The following SCYL3 variants were observed in gnomAD, a reference collection of about 807,000 sequenced individuals.
SCYL3 encodes the protein SCY1 like pseudokinase 3, also known as protein-associating with the carboxyl-terminal domain of ezrin.
SCYL3 carries 35 observed loss-of-function variants against 73.8 expected under a neutral mutation model. The observed-to-expected ratio is 0.47, with a 90% confidence interval of 0.36 to 0.63. The LOEUF is 0.63. Ranked by LOEUF, SCYL3 falls within the 20% of genes least tolerant of loss-of-function variation. The pLI is 0.00. For missense variants in SCYL3, 712 were observed against 798.9 expected, an observed-to-expected ratio of 0.89 and a Z score of 1.31; for synonymous variants, 277 against 295.2, an observed-to-expected ratio of 0.94 and a Z score of 0.63.
At position 169,852,627 on chromosome 1, in the gene SCYL3, C is replaced by A; in HGVS notation, c.*1086G>T. On this transcript the variant is annotated 3_prime_UTR_variant, in exon 13 of 13. Coordinates refer to ENST00000367771, the MANE Select transcript of SCYL3 (RefSeq NM_020423.7). ...GCTATGATAAACCAAAATGCCTTTA[C>A]ATATTTTTCTAGATGACTGTGTAGG... 1.5e-6 allele frequency: 1 copy of A among 671,664 alleles called. No homozygotes were observed. The highest frequency in any genetic ancestry group is 2.5e-6 in the Non-Finnish European group (1 of 400,504). 41.6% of individuals were successfully genotyped at this position (671,664 alleles called of 1,614,324 possible). A position where few individuals can be genotyped will look rare whatever the true frequency, so the allele number is the denominator to read the frequency against.
intron 4 of SCYL3, among the ~76,000 whole-genome samples, chr1:169,875,736 G>A (rs6427225): frequency 0.7 from 106,909 of 152,132 alleles, 37,763 homozygotes; most frequent in Middle Eastern, 0.85. Flanking sequence ...ATATCTGAAC[G>A]AAACATTTTA....
At chr1:169,862,001 A>T (rs953135221) in intron 10 of SCYL3, among the ~76,000 whole-genome samples, 1 of 152,228 alleles carries the variant, frequency 6.6e-6, no homozygotes, top group Non-Finnish European at 1.5e-5. Context: ...GGGAGCTACG[A>T]GAAGCTTGTA....
At chr1:169,884,635 T>G (rs1661545964) in intron 2 of SCYL3, among the ~76,000 whole-genome samples, 1 of 152,222 alleles carries the variant, frequency 6.6e-6, no homozygotes, top group Admixed American at 6.5e-5. Context: ...TGTATAAAAT[T>G]ATGTAGCCTC....
chr1:169,869,707 C>T (rs1660262696), intron 6 of SCYL3, among the ~76,000 whole-genome samples: 1 of 152,188 alleles, frequency 6.6e-6, no homozygotes, highest in South Asian at 2.1e-4. Context: ...GTGAAGCAGG[C>T]TGCCAAGCAT....
Position 169,854,380 on chromosome 1 carries a change from CAGA to C in SCYL3, c.1894_1896del (p.Ser632del). ...AGTTCAGGTAATATAAGAAAAGCAG[CAGA>C]AGGCTTAATTTCTGGGATCATATCA... On this transcript the variant is annotated inframe_deletion, in exon 12 of 13. Transcript: ENST00000367771. 6.2e-7 allele frequency: 1 copy of C among 1,614,010 alleles called. No homozygotes were observed. Among genetic ancestry groups the C allele is most frequent in the Non-Finnish European group, 8.5e-7 (1 of 1,179,934 alleles).
At chr1:169,892,809 C>T (rs1281480511) in intron 1 of SCYL3, among the ~76,000 whole-genome samples, 1 of 152,176 alleles carries the variant, frequency 6.6e-6, no homozygotes, top group Non-Finnish European at 1.5e-5. Flanking sequence ...CTAAGAAACC[C>T]GTGTGCTCTA....
chr1:169,864,488 C>G lies in SCYL3; in HGVS notation c.836G>C (p.Ser279Thr). 1 of 1,607,122 alleles carries G rather than the reference C, an allele frequency of 6.2e-7. No homozygotes were observed. Among genetic ancestry groups the G allele is most frequent in the Non-Finnish European group, 8.5e-7 (1 of 1,177,742 alleles). ...EFFKFLLDRV[S>T]CLSEELIASR... ...AGCTATCAATTCCTCTGACAAGCAG[C>G]TGACTCTGTCCAGCAGAAATCTGAG... Residue 279 changes from serine to threonine, a missense_variant, in exon 9 of 13, where the codon AGC becomes ACC. Physicochemically the swap from Ser to Thr is moderately conservative, Grantham distance 58. This residue lies in a region of SCYL3 where 342 missense variants were observed against 448.1 expected (regional missense o/e 0.76). Coordinates refer to ENST00000367771, the MANE Select transcript of SCYL3 (RefSeq NM_020423.7).
Position 169,850,964 on chromosome 1 carries a change from T to C in SCYL3, c.*2749A>G. ...AGGATGTTTACTACCATATTTTGGG[T>C]ATAATTTAGGCATGGCTTTTTTTTT... On this transcript the variant is annotated 3_prime_UTR_variant, in exon 13 of 13. Coordinates refer to ENST00000367771, the MANE Select transcript of SCYL3 (RefSeq NM_020423.7). 1 of 139,116 alleles carries C rather than the reference T, an allele frequency of 7.2e-6. No homozygotes were observed. The highest frequency in any genetic ancestry group is 1.5e-5 in the Non-Finnish European group (1 of 64,896). The allele number at this position is 139,116 out of a possible 1,614,324, so 8.6% of individuals were successfully genotyped here. A position where few individuals can be genotyped will look rare whatever the true frequency, so the allele number is the denominator to read the frequency against.
In SCYL3 at chr1:169,855,810, G is replaced by A. The variant is rs759695032; in HGVS notation, c.1313-846C>T. On this transcript the variant is annotated intron_variant, in intron 11 of 12. Transcript: ENST00000367771. ...AATATTTCTACCTGTCTGTAAAAGA[G>A]TATTGTAGTAATCTCGCTGTATGTG... 1.5e-5 allele frequency: 24 copies of A among 1,613,368 alleles called. No individual in the cohort carries two copies. The highest frequency in any genetic ancestry group is 1.9e-5 in the Non-Finnish European group (23 of 1,179,654).
chr1:169,877,581 T>G, intron 3 of SCYL3, among the ~76,000 whole-genome samples: 1 of 152,172 alleles, frequency 6.6e-6, no homozygotes, highest in East Asian at 1.9e-4. Flanking sequence ...ATATCTCCAT[T>G]TGAGAAAAAA....
rs760345142 is a variant in SCYL3 at position 169,854,478 on chromosome 1, C to G, written c.1799G>C (p.Gly600Ala). 3 of 1,614,074 alleles carry G rather than the reference C, an allele frequency of 1.9e-6. No homozygotes were observed. Among genetic ancestry groups the G allele is most frequent in the Non-Finnish European group, 2.5e-6 (3 of 1,179,982 alleles). Residue 600 changes from glycine (G) to alanine (A), a missense_variant, in exon 12 of 13, where the codon GGT (glycine) becomes GCT (alanine). Coordinates refer to ENST00000367771, the MANE Select transcript of SCYL3 (RefSeq NM_020423.7). Reference protein sequence around the residue: ...ERPLKVPSELGLGEEFTIQVK... With the variant: ...ERPLKVPSELALGEEFTIQVK... Reference sequence around the variant, plus strand: ...TTGAATGGTGAATTCCTCTCCTAAACCAAGTTCTGATGGAACCTTAAGGGG... The same window carrying G: ...TTGAATGGTGAATTCCTCTCCTAAAGCAAGTTCTGATGGAACCTTAAGGGG...
chr1:169,859,592 T>C (rs1194644135), intron 10 of SCYL3, among the ~76,000 whole-genome samples: 1 of 152,226 alleles, frequency 6.6e-6, no homozygotes, highest in African/African-American at 2.4e-5. Context: ...TCAGAACTCA[T>C]CTAGGGTACT....
intron 2 of SCYL3, among the ~76,000 whole-genome samples, chr1:169,881,844 T>G (rs1661286200): frequency 6.6e-6 from 1 of 152,230 alleles, no homozygotes; most frequent in African/African-American, 2.4e-5. Context: ...CATCAGGCAT[T>G]AGTTAGATTG....
chr1:169,853,534 T>TAA lies in SCYL3; in HGVS notation c.*178_*179insTT, dbSNP rs1658699836. The TAA allele has an allele frequency of 1.6e-6, 1 of 640,044 alleles. No homozygotes were observed. The highest frequency in any genetic ancestry group is 2.7e-6 in the Non-Finnish European group (1 of 373,534). The allele number at this position is 640,044 out of a possible 1,614,324, so 39.6% of individuals were successfully genotyped here. Reference sequence around the variant, plus strand: ...TACTGTGAGCCTCACCACCCAGGGCTTTTAGCCAGCACTCACAGTCAGTCT... The same window carrying TAA: ...TACTGTGAGCCTCACCACCCAGGGCTAATTTAGCCAGCACTCACAGTCAGTCT... On this transcript the variant is annotated 3_prime_UTR_variant, in exon 13 of 13. Coordinates refer to ENST00000367771, the MANE Select transcript of SCYL3 (RefSeq NM_020423.7).
intron 5 of SCYL3, 111 bp downstream of exon 5, chr1:169,873,585 T>C (rs1660583810): frequency 1.5e-6 from 1 of 651,420 alleles, no homozygotes; most frequent in Admixed American, 3.0e-5. Context: ...AGAGGAATTA[T>C]GAGGCATCTA....
intron 2 of SCYL3, among the ~76,000 whole-genome samples, 170 bp downstream of exon 2, chr1:169,888,506 T>G (rs1661831782): frequency 6.6e-6 from 1 of 152,226 alleles, no homozygotes. Flanking sequence ...GACCATGTCA[T>G]GCAAATGGAA....
Position 169,862,627 on chromosome 1 carries a change from C to G in SCYL3, c.1126G>C (p.Val376Leu). 1 of 1,614,188 alleles carries G rather than the reference C, an allele frequency of 6.2e-7. No homozygotes were observed. The highest frequency in any genetic ancestry group is 8.5e-7 in the Non-Finnish European group (1 of 1,180,034). ...EHFTQEQLKK[V>L]ILPQVLLGLR... ...TGGCCTCTGACCTGTGGCAAGATGA[C>G]TTTCTTCAGCTGCTCCTGAGTGAAG... is the stretch of plus-strand genomic sequence containing the variant. The change falls in exon 10 of 13, where the codon GTC becomes CTC. Residue 376 changes from valine to leucine, a missense_variant. Val to Leu is a conservative substitution (Grantham distance 32, BLOSUM62 1). Around this residue, in one of 2 missense-constraint regions of SCYL3, gnomAD observed 342 missense variants for 448.1 expected, o/e 0.76. Coordinates refer to ENST00000367771, the MANE Select transcript of SCYL3 (RefSeq NM_020423.7).
At chr1:169,875,400 G>A (rs1262228615) in intron 4 of SCYL3, among the ~76,000 whole-genome samples, 2 of 152,196 alleles carry the variant, frequency 1.3e-5, no homozygotes, top group Non-Finnish European at 2.9e-5. Flanking sequence ...GAAACATGCA[G>A]AACTCTCAGA....
chr1:169,869,643 G>T (rs1349698342), intron 6 of SCYL3, among the ~76,000 whole-genome samples: 1 of 152,210 alleles, frequency 6.6e-6, no homozygotes, highest in Non-Finnish European at 1.5e-5. Context: ...TGTGACACAT[G>T]CCTCAGTAAA....
Sources: allele counts gnomAD v4.1 joint callset (sites outside exome capture counted in the v4.1 genomes callset), GRCh38; gene constraint gnomAD v4.1.1; regional missense constraint gnomAD v4.1.1; transcripts MANE v1.5; gene names NCBI Gene and HGNC (gene_info 2026-07-23, HGNC 2026-07-21).